The following EYS variants were observed in gnomAD, a reference collection of about 807,000 sequenced individuals.
The protein encoded by EYS is protein eyes shut homolog.
Under a neutral mutation model 282.1 loss-of-function variants are expected in EYS, and 250 were observed. That is an observed-to-expected ratio of 0.89 (90% confidence interval 0.80 to 0.98). The LOEUF (loss-of-function observed/expected upper bound fraction) is 0.98, where lower values mean the gene tolerates loss of function less well. EYS is among the 50% of genes least tolerant of loss of function. The pLI is 0.00. For missense variants in EYS, 4,016 were observed against 3,709.0 expected (o/e 1.08, Z -2.15); for synonymous variants, 1,355 against 1,282.9 (o/e 1.06, Z -1.20).
At chr6:65,236,243 T>G (rs543782516) in intron 12 of EYS, among the ~76,000 whole-genome samples, 2 of 152,282 alleles carry the variant, frequency 1.3e-5, no homozygotes, top group South Asian at 4.1e-4. Flanking sequence ...GGTCATATTC[T>G]AAGGTACTGG....
intron 13 of EYS, among the ~76,000 whole-genome samples, chr6:65,042,046 A>C (rs1303914597): frequency 6.6e-6 from 1 of 151,580 alleles, no homozygotes; most frequent in South Asian, 2.1e-4. Flanking sequence ...TTTCTCATGA[A>C]TCTGCATATT....
chr6:65,342,569 A>G (rs1473075623), intron 10 of EYS, among the ~76,000 whole-genome samples: 1 of 150,616 alleles, frequency 6.6e-6, no homozygotes, highest in East Asian at 2.0e-4. Context: ...GGTTGCCTGA[A>G]CAATTCCTAA....
chr6:64,931,490 A>T (rs191070821), intron 15 of EYS, among the ~76,000 whole-genome samples: 1 of 152,244 alleles, frequency 6.6e-6, no homozygotes, highest in East Asian at 1.9e-4. Flanking sequence ...TAAAGAGATG[A>T]TCAAAATAAT....
intron 9 of EYS, among the ~76,000 whole-genome samples, chr6:65,346,415 AAC>A (rs762107677): frequency 3.8e-4 from 56 of 147,240 alleles, no homozygotes; most frequent in East Asian, 2.7e-3. Flanking sequence ...TGAAAAAAAA[AAC>A]AAAAAACAAT....
At chr6:64,937,586 A>G (rs1218043542) in intron 15 of EYS, among the ~76,000 whole-genome samples, 1 of 151,584 alleles carries the variant, frequency 6.6e-6, no homozygotes, top group African/African-American at 2.4e-5. Context: ...ATGTGCATTG[A>G]AATACCATTT....
intron 30 of EYS, among the ~76,000 whole-genome samples, chr6:64,241,826 C>A (rs150396395): frequency 6.6e-6 from 1 of 152,166 alleles, no homozygotes; most frequent in Admixed American, 6.5e-5. Flanking sequence ...CTCTTGTAGG[C>A]ATTTAGTGCT....
chr6:64,232,364 A>G (rs1311566445), intron 30 of EYS, among the ~76,000 whole-genome samples: 1 of 151,892 alleles, frequency 6.6e-6, no homozygotes, highest in African/African-American at 2.4e-5. Context: ...TAAATATGCA[A>G]TGTATCACAC....
chr6:64,670,402 AAAATAAAT>A (rs60435635), intron 22 of EYS, among the ~76,000 whole-genome samples: 4,510 of 145,508 alleles, frequency 0.031, 174 homozygotes, highest in African/African-American at 0.084. Flanking sequence ...GAAGTGGCCC[AAAATAAAT>A]AAATAAATAA....
intron 40 of EYS, among the ~76,000 whole-genome samples, chr6:63,775,633 A>G (rs571950885): frequency 1.3e-5 from 2 of 152,360 alleles, no homozygotes; most frequent in African/African-American, 4.8e-5. Flanking sequence ...TGTAACTAGG[A>G]TAAGTACAGA....
chr6:65,072,840 G>A (rs1773938739), intron 12 of EYS, among the ~76,000 whole-genome samples: 1 of 150,912 alleles, frequency 6.6e-6, no homozygotes, highest in African/African-American at 2.4e-5. Context: ...AGGAAATTAA[G>A]AAAGAGATAA....
At chr6:64,332,793 G>C (rs1294762931) in intron 29 of EYS, among the ~76,000 whole-genome samples, 3 of 152,278 alleles carry the variant, frequency 2.0e-5, no homozygotes, top group African/African-American at 7.2e-5. Context: ...CGAAGCCTAA[G>C]GAAATCAATG....
chr6:64,890,305 T>C (rs1255567984), intron 18 of EYS, among the ~76,000 whole-genome samples: 2 of 152,162 alleles, frequency 1.3e-5, no homozygotes, highest in Non-Finnish European at 2.9e-5. Flanking sequence ...TGTGATATTC[T>C]ATTACCTTGT....
At chr6:65,277,845 A>C (rs1217648511) in intron 12 of EYS, among the ~76,000 whole-genome samples, 1 of 152,034 alleles carries the variant, frequency 6.6e-6, no homozygotes, top group Non-Finnish European at 1.5e-5. Context: ...TATGAAAGAG[A>C]TGCATATGGG....
chr6:64,162,666 C>G (rs1469928459), intron 31 of EYS, among the ~76,000 whole-genome samples: 4 of 152,132 alleles, frequency 2.6e-5, no homozygotes, highest in Non-Finnish European at 5.9e-5. Flanking sequence ...AAATCTATGT[C>G]ACCTTTTATT....
At chr6:64,067,302 C>G (rs181670359) in intron 32 of EYS, among the ~76,000 whole-genome samples, 1 of 152,178 alleles carries the variant, frequency 6.6e-6, no homozygotes, top group East Asian at 1.9e-4. Context: ...TAAGTAATCA[C>G]AAAGTGAACC....
At chr6:63,801,413 A>G (rs1354408000) in intron 37 of EYS, among the ~76,000 whole-genome samples, 1 of 152,212 alleles carries the variant, frequency 6.6e-6, no homozygotes, top group Non-Finnish European at 1.5e-5. Context: ...AGAAGGCCTT[A>G]TCTAGGTGCC....
intron 18 of EYS, among the ~76,000 whole-genome samples, chr6:64,893,300 T>C (rs1767347030): frequency 1.3e-5 from 2 of 152,036 alleles, no homozygotes; most frequent in African/African-American, 2.4e-5. Flanking sequence ...TAGAGGTAAG[T>C]CTTAATTGTT....
intron 35 of EYS, among the ~76,000 whole-genome samples, chr6:63,880,085 C>T (rs955098162): frequency 5.3e-5 from 8 of 152,102 alleles, no homozygotes; most frequent in Admixed American, 1.3e-4. Flanking sequence ...AGCATGGTGA[C>T]GGTTAATACT....
In EYS at chr6:64,864,535, G is replaced by A. The variant is rs1196914266; in HGVS notation, c.2992+22162C>T. The stretch of plus-strand genomic sequence containing the variant: ...TGAGTAGCTGGGATTACAGGCACAC[G>A]CCACCATGCCCAGCTAATTTTTGTA... On this transcript the variant is annotated intron_variant, in intron 19 of 42. Coordinates refer to ENST00000503581, the MANE Select transcript of EYS (RefSeq NM_001142800.2). 1.1e-4 allele frequency among the ~76,000 whole-genome samples: 16 copies of A among 150,242 alleles called. 1 individual carries two copies. The highest frequency in any genetic ancestry group is 4.6e-4 in the Admixed American group (7 of 15,064).
Sources: gnomAD v4.1 joint callset for allele counts (sites outside exome capture counted in the v4.1 genomes callset) on GRCh38, gnomAD v4.1.1 for gene constraint, MANE v1.5 for transcripts, NCBI Gene and HGNC (gene_info 2026-07-23, HGNC 2026-07-21) for gene names.